The following ACP7 variants were observed in gnomAD, a reference collection of about 807,000 sequenced individuals.
The protein encoded by ACP7 is acid phosphatase type 7.
Under a neutral mutation model 60.6 loss-of-function variants are expected in ACP7, and 58 were observed. The observed-to-expected ratio is 0.96, with a 90% CI of 0.77 to 1.19. The LOEUF is 1.19. ACP7 is among the 50% of genes most tolerant of loss of function. ACP7 has a pLI of 0.00. For synonymous variants in ACP7, 237 were observed against 232.6 expected (o/e 1.02, Z -0.17); for missense variants, 574 against 596.2 (o/e 0.96, Z 0.39).
At chr19:39,097,808 C>T (rs2073284399) in intron 2 of ACP7, among the ~76,000 whole-genome samples, 2 of 151,934 alleles carry the variant, frequency 1.3e-5, no homozygotes, top group Admixed American at 1.3e-4. Flanking sequence ...CGCATATAAC[C>T]CTAAGTGTAC....
In ACP7 at chr19:39,110,335, G is replaced by A. The variant is rs975194276; in HGVS notation, c.*217G>A. 17 of 577,472 alleles carry A rather than the reference G, an allele frequency of 2.9e-5. No homozygotes were observed. Among genetic ancestry groups the A allele is most frequent in the African/African-American group, 2.1e-4 (11 of 53,296 alleles). 35.8% of individuals were successfully genotyped at this position (577,472 alleles called of 1,614,324 possible). A position where few individuals can be genotyped will look rare whatever the true frequency, so the allele number is the denominator to read the frequency against. On this transcript the variant is annotated 3_prime_UTR_variant, in exon 13 of 13. Coordinates refer to ENST00000331256, the MANE Select transcript of ACP7 (RefSeq NM_001004318.3). The stretch of plus-strand genomic sequence containing the variant: ...GGCTGTGGAGGGAGGGCAGGTGTGC[G>A]GGCACAGAGTGACACACGGCAGGTT...
intron 2 of ACP7, among the ~76,000 whole-genome samples, chr19:39,097,186 G>A (rs994419874): frequency 1.3e-5 from 2 of 152,102 alleles, no homozygotes; most frequent in Non-Finnish European, 2.9e-5. Context: ...ATCAGATCTC[G>A]TGAGACTTAT....
intron 2 of ACP7, among the ~76,000 whole-genome samples, chr19:39,088,842 T>A (rs2073173122): frequency 6.6e-6 from 1 of 152,026 alleles, no homozygotes; most frequent in Non-Finnish European, 1.5e-5. Flanking sequence ...GCCTCTCAGG[T>A]TCAAGGGATT....
chr19:39,100,522 G>A, intron 5 of ACP7, 58 bp from the exon 6 acceptor site: 1 of 1,605,366 alleles, frequency 6.2e-7, no homozygotes, highest in South Asian at 1.1e-5. Context: ...CGGGGTATAG[G>A]AGTAGGGCTA....
At chr19:39,088,261 G>T (rs2073166574) in intron 2 of ACP7, among the ~76,000 whole-genome samples, 1 of 152,054 alleles carries the variant, frequency 6.6e-6, no homozygotes, top group Non-Finnish European at 1.5e-5. Context: ...GGGCTCAAGT[G>T]ATCCTCCCAC....
chr19:39,107,182 C>G lies in ACP7; in HGVS notation c.1251+98C>G, dbSNP rs536302232. ...GTGGGCTCGGCCGGGCGCAGTGGCT[C>G]ATGCCTGCAACACCTGCAATTTGGT... On this transcript the variant is annotated intron_variant, in intron 12 of 12. Transcript: ENST00000331256. 1.8e-5 allele frequency: 23 copies of G among 1,286,424 alleles called. 1 individual carries two copies. In the South Asian group the frequency reaches 4.7e-4, roughly 26 times the overall value. The allele number at this position is 1,286,424 out of a possible 1,614,324, so 79.7% of individuals were successfully genotyped here. A position where few individuals can be genotyped will look rare whatever the true frequency, so the allele number is the denominator to read the frequency against.
chr19:39,098,956 T>A lies in ACP7; in HGVS notation c.323-4T>A, dbSNP rs1299914829. 3.1e-6 allele frequency: 5 copies of A among 1,608,414 alleles called. No individual in the cohort carries two copies. The highest frequency in any genetic ancestry group is 4.2e-6 in the Non-Finnish European group (5 of 1,177,974). On this transcript the variant is annotated splice_polypyrimidine_tract_variant and splice_region_variant and intron_variant, in intron 3 of 12. Transcript: ENST00000331256. ...TGACTGCGACCTTTTCCTCTCCCAT[T>A]CAGTTTATCGCTGTGGCAGTGCGCA...
chr19:39,098,015 C>G (rs1405103326), intron 2 of ACP7, among the ~76,000 whole-genome samples: 1 of 151,852 alleles, frequency 6.6e-6, no homozygotes. Context: ...CTTTGGGAGG[C>G]CAAGGTGGGT....
intron 11 of ACP7, among the ~76,000 whole-genome samples, chr19:39,102,781 T>TC (rs2073368842): frequency 8.5e-5 from 10 of 118,180 alleles, no homozygotes; most frequent in African/African-American, 2.0e-4. Flanking sequence ...CTCTCTCTCT[T>TC]TCTCTCTCTC....
chr19:39,093,903 C>G (rs908644945), intron 2 of ACP7, among the ~76,000 whole-genome samples: 1 of 152,168 alleles, frequency 6.6e-6, no homozygotes, highest in Non-Finnish European at 1.5e-5. Context: ...CATAGCAGTT[C>G]TTGGAACTTG....
intron 5 of ACP7, 112 bp downstream of exon 5, chr19:39,100,462 C>G (rs1447161083): frequency 6.2e-7 from 1 of 1,600,214 alleles, no homozygotes; most frequent in Non-Finnish European, 8.5e-7. Context: ...ATTGTGGTAG[C>G]AAGAGGAGAT....
Position 39,085,358 on chromosome 19 carries a change from C to T in ACP7, c.89C>T (p.Ala30Val). The T allele has an allele frequency of 2.5e-6, 4 of 1,613,404 alleles. No individual in the cohort carries two copies. The highest frequency in any genetic ancestry group is 3.4e-6 in the Non-Finnish European group (4 of 1,179,628). The change falls in exon 2 of 13, where the codon GCT (alanine) becomes GTT (valine). Residue 30 changes from alanine to valine, a missense_variant. Transcript: ENST00000331256. Reference protein sequence around the residue: ...GVQGSLGAPSAAPEQVHLSYP... With the variant: ...GVQGSLGAPSVAPEQVHLSYP... ...CAGGGGTCCCTGGGGGCTCCCAGCG[C>T]TGCCCCAGAGCAAGTCCATCTGTCT...
intron 4 of ACP7, among the ~76,000 whole-genome samples, chr19:39,099,791 G>C (rs202125830): frequency 1.3e-5 from 2 of 151,238 alleles, no homozygotes; most frequent in African/African-American, 2.4e-5. Context: ...TCAGGAGTTC[G>C]AGACCAGCCC....
chr19:39,104,780 G>C (rs1343926125), intron 11 of ACP7, among the ~76,000 whole-genome samples: 2 of 151,980 alleles, frequency 1.3e-5, no homozygotes, highest in Non-Finnish European at 2.9e-5. Context: ...AGCTACTCAG[G>C]AGGGTGAGGC....
rs1345636841 is a variant in ACP7, at chr19:39,101,464, A to G, written c.1042-2A>G. The G allele has an allele frequency of 6.2e-7, 1 of 1,614,144 alleles. No homozygotes were observed. On this transcript the variant is annotated splice_acceptor_variant, in intron 10 of 12. Transcript: ENST00000331256. LOFTEE classifies it high-confidence loss of function. The stretch of plus-strand genomic sequence containing the variant: ...GCCACCCAACGTTGTTCCCTTCCCC[A>G]GGTATTTAACGGCAGCCGAGAGATG...
chr19:39,109,680 C>T (rs1374783981), intron 12 of ACP7, among the ~76,000 whole-genome samples: 2 of 93,598 alleles, frequency 2.1e-5, no homozygotes, highest in Non-Finnish European at 3.9e-5. Context: ...GAGCAAGACT[C>T]TGTCTAAAAA....
chr19:39,095,250 C>T (rs1219114471), intron 2 of ACP7, among the ~76,000 whole-genome samples: 1 of 152,198 alleles, frequency 6.6e-6, no homozygotes, highest in African/African-American at 2.4e-5. Flanking sequence ...ACCCTTCCAC[C>T]TATGAGCCTG....
intron 11 of ACP7, among the ~76,000 whole-genome samples, chr19:39,102,794 T>TC (rs2073369629): frequency 1.3e-4 from 6 of 47,488 alleles, no homozygotes; most frequent in Non-Finnish European, 2.5e-4. Context: ...TCTCTCTCTC[T>TC]TTCTTTCTTT....
intron 2 of ACP7, among the ~76,000 whole-genome samples, chr19:39,085,962 C>T (rs1344170662): frequency 6.6e-6 from 1 of 152,126 alleles, no homozygotes; most frequent in African/African-American, 2.4e-5. Context: ...TCAGTCTCCT[C>T]ATCTGGATAA....
Sources: gnomAD v4.1 joint callset for allele counts (sites outside exome capture counted in the v4.1 genomes callset) on GRCh38, gnomAD v4.1.1 for gene constraint, MANE v1.5 for transcripts, NCBI Gene and HGNC (gene_info 2026-07-23, HGNC 2026-07-21) for gene names.